THSD7B: variants seen among roughly 807,000 people sequenced by gnomAD.
THSD7B encodes the protein thrombospondin type-1 domain-containing protein 7B.
Under a neutral mutation model 213.6 loss-of-function variants are expected in THSD7B, and 138 were observed. That is an observed-to-expected ratio of 0.65 (90% CI 0.56 to 0.74). The LOEUF is 0.74. Ranked by LOEUF, THSD7B falls within the 30% of genes least tolerant of loss-of-function variation. The pLI is 0.00. For synonymous variants in THSD7B, 742 were observed against 687.0 expected, an observed-to-expected ratio of 1.08 and a Z score of -1.25; for missense variants, 1,931 against 1,991.5, an observed-to-expected ratio of 0.97 and a Z score of 0.58.
At chr2:136,879,124 T>C (rs1573684908) in intron 1 of THSD7B, among the ~76,000 whole-genome samples, 1 of 152,318 alleles carries the variant, frequency 6.6e-6, no homozygotes, top group South Asian at 2.1e-4. Flanking sequence ...CAGTTTCAGC[T>C]TTCTACATAT....
chr2:137,300,516 C>A lies in THSD7B; in HGVS notation c.2500+24490C>A, dbSNP rs981286997. 4.6e-5 allele frequency among the ~76,000 whole-genome samples: 7 copies of A among 152,206 alleles called. No individual in the cohort carries two copies. In the East Asian group the frequency reaches 1.2e-3, roughly 25 times the overall value. ...ATATGTGTGTGTGTTTTCTATGCAA[C>A]TGTTGTGCATTAATACATATCCACA... On this transcript the variant is annotated intron_variant, in intron 12 of 27. Coordinates refer to ENST00000409968, the MANE Select transcript of THSD7B (RefSeq NM_001316349.2).
At chr2:137,349,760 T>G (rs1684965725) in intron 12 of THSD7B, among the ~76,000 whole-genome samples, 1 of 151,796 alleles carries the variant, frequency 6.6e-6, no homozygotes, top group Non-Finnish European at 1.5e-5. Context: ...AGCCCATAAT[T>G]TTTCAAAATT....
At chr2:137,332,906 C>G (rs1030624370) in intron 12 of THSD7B, among the ~76,000 whole-genome samples, 2 of 152,192 alleles carry the variant, frequency 1.3e-5, no homozygotes, top group Admixed American at 6.5e-5. Flanking sequence ...AACCTATTTC[C>G]TTTATAAATT....
intron 15 of THSD7B, among the ~76,000 whole-genome samples, chr2:137,463,061 G>C (rs1278188975): frequency 6.6e-6 from 1 of 152,112 alleles, no homozygotes; most frequent in Admixed American, 6.6e-5. Flanking sequence ...CATGGGGAAG[G>C]GGGCACAGTA....
At chr2:137,176,436 C>A (rs960903834) in intron 7 of THSD7B, among the ~76,000 whole-genome samples, 2 of 152,040 alleles carry the variant, frequency 1.3e-5, no homozygotes, top group African/African-American at 2.4e-5. Flanking sequence ...TATATAGGGA[C>A]GAGAATCTTA....
intron 15 of THSD7B, among the ~76,000 whole-genome samples, chr2:137,473,666 T>C (rs1688138917): frequency 2.0e-5 from 3 of 152,208 alleles, no homozygotes; most frequent in South Asian, 4.1e-4. Context: ...AAGAATACAA[T>C]GACTACTAGT....
At position 137,244,435 on chromosome 2, in the gene THSD7B, C is replaced by G. The variant is rs572468567; in HGVS notation, c.2266+1863C>G. Among the ~76,000 whole-genome samples, 18 of 152,264 alleles carry G rather than the reference C, an allele frequency of 1.2e-4. No homozygotes were observed. In the South Asian group the frequency reaches 3.7e-3, roughly 32 times the overall value. On this transcript the variant is annotated intron_variant, in intron 10 of 27. Coordinates refer to ENST00000409968, the MANE Select transcript of THSD7B (RefSeq NM_001316349.2). ...ATTAACTTTGTTGAGCCAGTGTGCC[C>G]TGGTGACCAGAGATTACTTTAGCCA...
intron 19 of THSD7B, 40 bp downstream of exon 19, chr2:137,618,547 T>A (rs2104840580): frequency 1.3e-6 from 2 of 1,569,120 alleles, no homozygotes; most frequent in Middle Eastern, 1.7e-4. Flanking sequence ...CAAGGCTTTG[T>A]TTTTCTTAAT....
At chr2:137,047,426 G>A (rs1686990981) in intron 2 of THSD7B, among the ~76,000 whole-genome samples, 1 of 152,202 alleles carries the variant, frequency 6.6e-6, no homozygotes, top group Non-Finnish European at 1.5e-5. Context: ...TGTTTGAAAA[G>A]CCAATAATGA....
In THSD7B at chr2:137,356,953, CACACACACACACAG is replaced by C. The variant is rs1473883221; in HGVS notation, c.2501-48646_2501-48633del. ...TCCAAGACACACACACACATACACACACACACACACACAGACACACACACACACACACACACACA... is the reference window on the plus strand; with the variant it reads ...TCCAAGACACACACACACATACACACACACACACACACACACACACACACA... On this transcript the variant is annotated intron_variant, in intron 12 of 27. Transcript: ENST00000409968. Among the ~76,000 whole-genome samples, 173 of 114,162 alleles carry C rather than the reference CACACACACACACAG, an allele frequency of 1.5e-3. 1 individual carries two copies. The highest frequency in any genetic ancestry group is 9.0e-3 in the Middle Eastern group (2 of 222). The allele number at this position is 114,162 out of a possible 152,430, so 74.9% of individuals were successfully genotyped here.
chr2:137,259,951 T>C (rs1246364345), intron 10 of THSD7B, among the ~76,000 whole-genome samples: 1 of 151,876 alleles, frequency 6.6e-6, no homozygotes, highest in African/African-American at 2.4e-5. Context: ...GTGTGTGTGG[T>C]GGAGGTTGTA....
intron 12 of THSD7B, among the ~76,000 whole-genome samples, chr2:137,373,664 T>C (rs1287532581): frequency 2.0e-5 from 3 of 152,220 alleles, no homozygotes; most frequent in Non-Finnish European, 4.4e-5. Flanking sequence ...TTCACTCTGA[T>C]GGTAGTTTCT....
chr2:136,849,875 A>G (rs571844766), intron 1 of THSD7B, among the ~76,000 whole-genome samples: 2 of 152,212 alleles, frequency 1.3e-5, no homozygotes, highest in African/African-American at 4.8e-5. Flanking sequence ...AAATCTTAAT[A>G]GTTTTTTTAT....
chr2:137,148,919 C>G (rs1400243127), intron 5 of THSD7B, among the ~76,000 whole-genome samples: 1 of 152,156 alleles, frequency 6.6e-6, no homozygotes, highest in African/African-American at 2.4e-5. Context: ...AACAATGAGA[C>G]AAATGTTAGT....
intron 14 of THSD7B, among the ~76,000 whole-genome samples, chr2:137,422,384 A>G (rs1439551021): frequency 6.6e-6 from 1 of 152,160 alleles, no homozygotes; most frequent in African/African-American, 2.4e-5. Context: ...TGTTCATTTA[A>G]TATGTTGTAT....
At chr2:136,925,800 C>A (rs1346504316) in intron 2 of THSD7B, among the ~76,000 whole-genome samples, 2 of 152,020 alleles carry the variant, frequency 1.3e-5, no homozygotes, top group Non-Finnish European at 2.9e-5. Context: ...TTATCCTGGG[C>A]TTTTCTTTTT....
intron 1 of THSD7B, among the ~76,000 whole-genome samples, chr2:136,811,793 A>G (rs976779929): frequency 3.9e-5 from 6 of 152,166 alleles, no homozygotes; most frequent in East Asian, 1.9e-4. Flanking sequence ...ATGTTTCTAC[A>G]TGGCAGCACA....
intron 4 of THSD7B, among the ~76,000 whole-genome samples, chr2:137,097,806 A>ACACACACACC (rs1434106569): frequency 1.3e-5 from 2 of 148,556 alleles, no homozygotes; most frequent in Admixed American, 6.7e-5. Context: ...ACACACACAC[A>ACACACACACC]CACCTTTAAA....
intron 2 of THSD7B, among the ~76,000 whole-genome samples, chr2:136,885,451 C>T (rs1345322058): frequency 6.6e-6 from 1 of 152,136 alleles, no homozygotes; most frequent in African/African-American, 2.4e-5. Context: ...CTGTTAAATG[C>T]CTATCATTAT....
Sources: gnomAD v4.1 joint callset for allele counts (sites outside exome capture counted in the v4.1 genomes callset) on GRCh38, gnomAD v4.1.1 for gene constraint, MANE v1.5 for transcripts, NCBI Gene and HGNC (gene_info 2026-07-23, HGNC 2026-07-21) for gene names.